The following ENPP6 variants were observed in gnomAD, a reference collection of about 807,000 sequenced individuals.
The protein encoded by ENPP6 is ectonucleotide pyrophosphatase/phosphodiesterase 6.
In ENPP6, 32 loss-of-function variants were observed where a neutral mutation model predicts 42.0. The observed-to-expected ratio is 0.76, with a 90% CI of 0.58 to 1.02. The LOEUF (loss-of-function observed/expected upper bound fraction) is 1.02. Among genes scored for constraint, ENPP6 ranks in the 50% least tolerant of loss-of-function variants. ENPP6 has a pLI of 0.00. For synonymous variants in ENPP6, 213 were observed against 216.0 expected (o/e 0.99, Z 0.12); for missense variants, 552 against 566.8 (o/e 0.97, Z 0.27).
In ENPP6 at chr4:184,157,429, CCT is replaced by C. The variant is rs368521555; in HGVS notation, c.242-3698_242-3697del. Reference sequence around the variant, plus strand: ...TTTCTCTTTCTTTCTTTCTTTCTTTCCTTTTCTTTCTTTCTTTTCTTTCTCTC... The same window carrying C: ...TTTCTCTTTCTTTCTTTCTTTCTTTCTTTCTTTCTTTCTTTTCTTTCTCTC... On this transcript the variant is annotated intron_variant, in intron 1 of 7. Coordinates refer to ENST00000296741, the MANE Select transcript of ENPP6 (RefSeq NM_153343.4). Among the ~76,000 whole-genome samples, 524 of 110,418 alleles carry C rather than the reference CCT, an allele frequency of 4.7e-3. 13 individuals carry two copies. Among genetic ancestry groups the C allele is most frequent in the Admixed American group, 0.037 (397 of 10,826 alleles). The allele number at this position is 110,418 out of a possible 152,430, so 72.4% of individuals were successfully genotyped here.
At chr4:184,125,299 G>T (rs1354749919) in intron 2 of ENPP6, among the ~76,000 whole-genome samples, 1 of 152,184 alleles carries the variant, frequency 6.6e-6, no homozygotes, top group Non-Finnish European at 1.5e-5. Flanking sequence ...ATGCAGGTGG[G>T]CTGGGAGGAA....
chr4:184,203,122 G>C (rs1013847668), intron 1 of ENPP6, among the ~76,000 whole-genome samples: 1 of 151,946 alleles, frequency 6.6e-6, no homozygotes, highest in African/African-American at 2.4e-5. Context: ...GTGGGGGCAG[G>C]TGCCTGTAAT....
chr4:184,212,193 C>T (rs1222251525), intron 1 of ENPP6, among the ~76,000 whole-genome samples: 5 of 151,890 alleles, frequency 3.3e-5, no homozygotes, highest in Non-Finnish European at 5.9e-5. Context: ...CAGGGATGCC[C>T]TCTCTCACCA....
intron 2 of ENPP6, among the ~76,000 whole-genome samples, chr4:184,144,251 G>C (rs1221154035): frequency 1.3e-5 from 2 of 152,166 alleles, no homozygotes; most frequent in Non-Finnish European, 2.9e-5. Context: ...AGCCCTCTTC[G>C]TTACTTTGCC....
rs80186391 is a variant in ENPP6 at position 184,113,792 on chromosome 4, C to T, written c.856-983G>A. 8.3e-3 allele frequency among the ~76,000 whole-genome samples: 1,257 copies of T among 152,346 alleles called. 20 individuals are homozygous for T. Among genetic ancestry groups the T allele is most frequent in the African/African-American group, 0.029 (1,196 of 41,570 alleles). On this transcript the variant is annotated intron_variant, in intron 5 of 7. Transcript: ENST00000296741. The stretch of plus-strand genomic sequence containing the variant: ...ACATACTTTGTACATCTGCCTGCCT[C>T]AGCCTCCCAAAGTGCTAGGAATATA...
chr4:184,098,869 C>T (rs566563091), intron 6 of ENPP6, among the ~76,000 whole-genome samples: 1 of 152,286 alleles, frequency 6.6e-6, no homozygotes, highest in South Asian at 2.1e-4. Context: ...CAAATATTTA[C>T]TATTTCAAAT....
chr4:184,091,975 T>C (rs1039779321), intron 7 of ENPP6, among the ~76,000 whole-genome samples: 8 of 152,176 alleles, frequency 5.3e-5, no homozygotes, highest in Non-Finnish European at 8.8e-5. Flanking sequence ...CTTTGGGGGC[T>C]GCGGGGAGGC....
intron 1 of ENPP6, among the ~76,000 whole-genome samples, chr4:184,177,770 C>T (rs1039932859): frequency 1.3e-5 from 2 of 152,120 alleles, no homozygotes; most frequent in African/African-American, 4.8e-5. Flanking sequence ...CCTTAGCAAC[C>T]CTACAGAAGA....
chr4:184,177,219 C>G (rs997763557), intron 1 of ENPP6, among the ~76,000 whole-genome samples: 1 of 152,234 alleles, frequency 6.6e-6, no homozygotes, highest in Non-Finnish European at 1.5e-5. Context: ...AACAACTCCC[C>G]ACAGCGCAGC....
At chr4:184,113,325 C>G (rs534379164) in intron 5 of ENPP6, among the ~76,000 whole-genome samples, 1 of 152,196 alleles carries the variant, frequency 6.6e-6, no homozygotes, top group African/African-American at 2.4e-5. Flanking sequence ...ATAGTTTGAG[C>G]AACTACAAAA....
chr4:184,159,124 A>G (rs974492402), intron 1 of ENPP6, among the ~76,000 whole-genome samples: 5 of 152,180 alleles, frequency 3.3e-5, no homozygotes, highest in Non-Finnish European at 7.3e-5. Context: ...ATTATCTCCG[A>G]TTGTATCATC....
In ENPP6 at chr4:184,089,295, C is replaced by G. The variant is rs770960252; in HGVS notation, c.*1882G>C. On this transcript the variant is annotated 3_prime_UTR_variant, in exon 8 of 8. Transcript: ENST00000296741. The stretch of plus-strand genomic sequence containing the variant: ...GCAGTGATCCTTTGCTCTCATGATT[C>G]ATGGCATGGAGACAGCACCCAGCTT... The G allele has an allele frequency of 2.0e-5, 3 of 152,240 alleles. No individual in the cohort carries two copies. Among genetic ancestry groups the G allele is most frequent in the Non-Finnish European group, 4.4e-5 (3 of 68,026 alleles). 9.4% of individuals were successfully genotyped at this position (152,240 alleles called of 1,614,324 possible). A position where few individuals can be genotyped will look rare whatever the true frequency, so the allele number is the denominator to read the frequency against.
At chr4:184,112,545 T>A (rs775775746) in intron 6 of ENPP6, 127 bp downstream of exon 6, 20 of 1,165,270 alleles carry the variant, frequency 1.7e-5, no homozygotes, top group Non-Finnish European at 2.2e-5. Context: ...AAGAAAGACA[T>A]AACGCAACAA....
intron 1 of ENPP6, among the ~76,000 whole-genome samples, chr4:184,168,297 C>T (rs1299382017): frequency 6.6e-6 from 1 of 151,874 alleles, no homozygotes; most frequent in Admixed American, 6.5e-5. Context: ...GCGGAAAAGG[C>T]CAATCCTATC....
intron 2 of ENPP6, among the ~76,000 whole-genome samples, chr4:184,135,752 C>A (rs891468632): frequency 6.6e-6 from 1 of 152,034 alleles, no homozygotes; most frequent in Non-Finnish European, 1.5e-5. Flanking sequence ...GTACTGAGTA[C>A]CCACGTCAGA....
intron 2 of ENPP6, among the ~76,000 whole-genome samples, chr4:184,147,355 C>T (rs1736943683): frequency 6.6e-6 from 1 of 152,214 alleles, no homozygotes; most frequent in African/African-American, 2.4e-5. Context: ...GTCAGTTGCC[C>T]TCATTCACCC....
At chr4:184,207,888 C>T (rs566515283) in intron 1 of ENPP6, among the ~76,000 whole-genome samples, 18 of 152,340 alleles carry the variant, frequency 1.2e-4, no homozygotes, top group Admixed American at 4.6e-4. Flanking sequence ...CCCCTCTCCA[C>T]CGCCTGCGAG....
Position 184,197,546 on chromosome 4 carries a change from G to A in ENPP6, c.241+20033C>T, listed in dbSNP as rs1270681541. Among the ~76,000 whole-genome samples, 3 of 152,212 alleles carry A rather than the reference G, an allele frequency of 2.0e-5. No individual in the cohort carries two copies. The East Asian group carries it at 5.8e-4, about 29-fold the overall frequency. ...CCCGGCTTGGAAACCTGCACTTGGTGTGGTTTTTCTCCCTTTATCTGGTTC... is the reference window on the plus strand; with the variant it reads ...CCCGGCTTGGAAACCTGCACTTGGTATGGTTTTTCTCCCTTTATCTGGTTC... On this transcript the variant is annotated intron_variant, in intron 1 of 7. Transcript: ENST00000296741.
intron 2 of ENPP6, among the ~76,000 whole-genome samples, chr4:184,138,883 C>T (rs1173221504): frequency 6.6e-6 from 1 of 152,190 alleles, no homozygotes; most frequent in East Asian, 1.9e-4. Context: ...GCTCTATGTG[C>T]AGAGCAGAGA....
Sources: allele counts gnomAD v4.1 joint callset (sites outside exome capture counted in the v4.1 genomes callset), GRCh38; gene constraint gnomAD v4.1.1; transcripts MANE v1.5; gene names NCBI Gene and HGNC (gene_info 2026-07-23, HGNC 2026-07-21).